RAP1GDS1: variants seen among roughly 807,000 people sequenced by gnomAD.
RAP1GDS1 encodes Rap1 GTPase-GDP dissociation stimulator 1.
In RAP1GDS1, 35 loss-of-function variants were observed where a neutral mutation model predicts 71.1. The ratio of observed to expected loss-of-function variants is 0.49; its 90% CI spans 0.38 to 0.65. The LOEUF is 0.65. Ranked by LOEUF, RAP1GDS1 falls within the 30% of genes least tolerant of loss-of-function variation. The probability of loss-of-function intolerance (pLI) is 0.00; values close to 1 mark genes in which losing one functional copy is unlikely to be tolerated. For synonymous variants in RAP1GDS1, 229 were observed against 243.1 expected (o/e 0.94, Z 0.54); for missense variants, 663 against 706.1 (o/e 0.94, Z 0.69).
chr4:98,404,048 A>G (rs1745795428), intron 6 of RAP1GDS1, among the ~76,000 whole-genome samples: 1 of 152,176 alleles, frequency 6.6e-6, no homozygotes, highest in Admixed American at 6.5e-5. Flanking sequence ...GGCAGGAATG[A>G]ATGAAACCCC....
intron 1 of RAP1GDS1, among the ~76,000 whole-genome samples, chr4:98,273,999 G>A (rs1050024933): frequency 2.0e-5 from 3 of 152,232 alleles, no homozygotes; most frequent in Admixed American, 6.5e-5. Flanking sequence ...GCAAATTTGT[G>A]TATGGAGGGA....
intron 2 of RAP1GDS1, among the ~76,000 whole-genome samples, chr4:98,294,483 A>G (rs192952523): frequency 1.0e-3 from 154 of 152,222 alleles, no homozygotes; most frequent in Non-Finnish European, 1.3e-3. Flanking sequence ...TTAGATTACA[A>G]CTGTCATGCT....
At chr4:98,389,685 G>A (rs1743313982) in intron 5 of RAP1GDS1, among the ~76,000 whole-genome samples, 1 of 152,034 alleles carries the variant, frequency 6.6e-6, no homozygotes, top group Non-Finnish European at 1.5e-5. Context: ...GCTTCAATTT[G>A]TATGCCAAAG....
At chr4:98,436,827 T>C in intron 13 of RAP1GDS1, 113 bp from the exon 14 acceptor site, 1 of 1,028,644 alleles carries the variant, frequency 9.7e-7, no homozygotes, top group Non-Finnish European at 1.3e-6. Context: ...GTCATTATTA[T>C]TTATCAGTTC....
intron 11 of RAP1GDS1, among the ~76,000 whole-genome samples, chr4:98,420,362 A>ATTTG (rs971562909): frequency 6.8e-6 from 1 of 146,604 alleles, no homozygotes; most frequent in African/African-American, 2.6e-5. Flanking sequence ...TTATTTATTT[A>ATTTG]TTTGTTTATT....
chr4:98,311,881 C>T (rs1024736686), intron 2 of RAP1GDS1, among the ~76,000 whole-genome samples: 1 of 152,176 alleles, frequency 6.6e-6, no homozygotes, highest in Non-Finnish European at 1.5e-5. Context: ...TCAAGCAGTC[C>T]TTCTGCTTCA....
At chr4:98,378,634 C>T (rs1384454162) in intron 4 of RAP1GDS1, among the ~76,000 whole-genome samples, 1 of 148,162 alleles carries the variant, frequency 6.7e-6, no homozygotes, top group Non-Finnish European at 1.5e-5. Flanking sequence ...TTTTTTCAAC[C>T]TGAGGGACAA....
chr4:98,376,556 A>G (rs1741212196), intron 4 of RAP1GDS1, among the ~76,000 whole-genome samples: 1 of 152,026 alleles, frequency 6.6e-6, no homozygotes, highest in South Asian at 2.1e-4. Flanking sequence ...CATTATTATC[A>G]TTTATTCCTT....
chr4:98,335,173 G>A (rs959363351), intron 2 of RAP1GDS1, among the ~76,000 whole-genome samples: 3 of 152,028 alleles, frequency 2.0e-5, no homozygotes, highest in East Asian at 1.9e-4. Context: ...TCAAAAGTAC[G>A]GAAAATCCCA....
chr4:98,372,574 A>G (rs1390763464), intron 4 of RAP1GDS1, among the ~76,000 whole-genome samples: 1 of 152,190 alleles, frequency 6.6e-6, no homozygotes, highest in African/African-American at 2.4e-5. Context: ...ATGTCACATT[A>G]ATTTAATCAA....
In RAP1GDS1 at chr4:98,349,926, T is replaced by C. The variant is rs990583306; in HGVS notation, c.236-2550T>C. ...GACTACCACTCTTTGTTTAAAAAAG[T>C]AAATTAGCTGAAAAGCAAATGAGTT... is the stretch of plus-strand genomic sequence containing the variant. On this transcript the variant is annotated intron_variant, in intron 3 of 14. Coordinates refer to ENST00000408927, the MANE Select transcript of RAP1GDS1 (RefSeq NM_001100427.2). Among the ~76,000 whole-genome samples the C allele has an allele frequency of 2.6e-5, 4 of 152,182 alleles. No individual in the cohort carries two copies. The South Asian group carries it at 8.3e-4, about 31-fold the overall frequency.
chr4:98,410,212 G>A (rs1162712074), intron 7 of RAP1GDS1, among the ~76,000 whole-genome samples: 1 of 152,084 alleles, frequency 6.6e-6, no homozygotes, highest in African/African-American at 2.4e-5. Context: ...CTGACAGAGG[G>A]CTTGTGTATA....
chr4:98,362,063 G>A (rs1351068348), intron 4 of RAP1GDS1, among the ~76,000 whole-genome samples: 3 of 152,110 alleles, frequency 2.0e-5, no homozygotes, highest in South Asian at 2.1e-4. Context: ...GAAAACATTC[G>A]ATTATGTCTA....
In RAP1GDS1 at chr4:98,330,992, C is replaced by T. The variant is rs186984329; in HGVS notation, c.113-12147C>T. Among the ~76,000 whole-genome samples the T allele has an allele frequency of 9.0e-3, 1,371 of 152,256 alleles. 25 individuals are homozygous for T. Among genetic ancestry groups the T allele is most frequent in the African/African-American group, 0.031 (1,278 of 41,550 alleles). On this transcript the variant is annotated intron_variant, in intron 2 of 14. Coordinates refer to ENST00000408927, the MANE Select transcript of RAP1GDS1 (RefSeq NM_001100427.2). Reference sequence around the variant, plus strand: ...AGCGAGCCGAGATCACGCCACTGCACTCCAGCCTGGGCAACATTGAGCACT... The same window carrying T: ...AGCGAGCCGAGATCACGCCACTGCATTCCAGCCTGGGCAACATTGAGCACT...
chr4:98,405,119 CTG>C (rs1407297538), intron 7 of RAP1GDS1, among the ~76,000 whole-genome samples: 5 of 152,142 alleles, frequency 3.3e-5, no homozygotes, highest in Non-Finnish European at 7.4e-5. Flanking sequence ...ACAAAACACA[CTG>C]TAAGCAAGAG....
At chr4:98,393,153 G>A (rs183670310) in intron 6 of RAP1GDS1, among the ~76,000 whole-genome samples, 44 of 152,190 alleles carry the variant, frequency 2.9e-4, no homozygotes, top group Non-Finnish European at 4.6e-4. Flanking sequence ...ATTCTGTTAC[G>A]TACCACATTC....
At chr4:98,271,516 C>T (rs1404570167) in intron 1 of RAP1GDS1, among the ~76,000 whole-genome samples, 1 of 152,054 alleles carries the variant, frequency 6.6e-6, no homozygotes, top group Non-Finnish European at 1.5e-5. Flanking sequence ...TCATTATATA[C>T]CATATCCACC....
chr4:98,340,677 A>G (rs1418669343), intron 2 of RAP1GDS1, among the ~76,000 whole-genome samples: 1 of 152,132 alleles, frequency 6.6e-6, no homozygotes, highest in Non-Finnish European at 1.5e-5. Context: ...TGAACCCAAG[A>G]GGCAGAGTTT....
intron 4 of RAP1GDS1, among the ~76,000 whole-genome samples, chr4:98,375,857 A>G (rs1741103991): frequency 6.6e-6 from 1 of 152,182 alleles, no homozygotes; most frequent in South Asian, 2.1e-4. Flanking sequence ...ACTGTACGAC[A>G]TGCCACAATA....
Sources: gnomAD v4.1 joint callset for allele counts (sites outside exome capture counted in the v4.1 genomes callset) on GRCh38, gnomAD v4.1.1 for gene constraint, MANE v1.5 for transcripts, NCBI Gene and HGNC (gene_info 2026-07-23, HGNC 2026-07-21) for gene names.